Variants in RICTOR observed in about 807,000 individuals in gnomAD.
The protein encoded by RICTOR is rapamycin-insensitive companion of mTOR.
Under a neutral mutation model 214.9 loss-of-function variants are expected in RICTOR, and 49 were observed. That is an observed-to-expected ratio of 0.23 (90% confidence interval 0.18 to 0.29). RICTOR has a LOEUF of 0.29. Among genes scored for constraint, RICTOR ranks in the 10% least tolerant of loss-of-function variants. The pLI is 1.00. For missense variants in RICTOR, 1,625 were observed against 2,047.0 expected (o/e 0.79, Z 3.98); for synonymous variants, 717 against 711.3 (o/e 1.01, Z -0.13).
chr5:38,994,197 T>A (rs550795991), intron 6 of RICTOR, among the ~76,000 whole-genome samples: 42 of 150,930 alleles, frequency 2.8e-4, no homozygotes, highest in Admixed American at 8.6e-4. Context: ...CTCAAAAAAA[T>A]ATATATATAT....
chr5:39,043,891 T>C (rs1757325592), intron 2 of RICTOR, among the ~76,000 whole-genome samples: 2 of 152,324 alleles, frequency 1.3e-5, no homozygotes, highest in African/African-American at 4.8e-5. Flanking sequence ...GACTCTTCAA[T>C]GACAGCAAGA....
At chr5:38,960,302 G>T in intron 20 of RICTOR, 96 bp downstream of exon 20, 1 of 1,246,290 alleles carries the variant, frequency 8.0e-7, no homozygotes, top group Non-Finnish European at 1.1e-6. Flanking sequence ...TGCATATTCA[G>T]AAATAAAAGC....
At chr5:39,053,886 G>T (rs1379461723) in intron 2 of RICTOR, among the ~76,000 whole-genome samples, 1 of 105,226 alleles carries the variant, frequency 9.5e-6, no homozygotes, top group African/African-American at 4.1e-5. Context: ...GCGAGACTCC[G>T]TCTCAAAAAA....
At position 38,958,520 on chromosome 5, in the gene RICTOR, C is replaced by T; in HGVS notation, c.2344-1G>A. 1 of 1,605,592 alleles carries T rather than the reference C, an allele frequency of 6.2e-7. No individual in the cohort carries two copies. Among genetic ancestry groups the T allele is most frequent in the Non-Finnish European group, 8.5e-7 (1 of 1,175,560 alleles). ...TCTGAATGAGAGCATGAAGATTGGC[C>T]TAAAAGAGATTATCATTATTTTTTT... is the stretch of plus-strand genomic sequence containing the variant. On this transcript the variant is annotated splice_acceptor_variant, in intron 23 of 37. Transcript: ENST00000357387. LOFTEE classifies it high-confidence loss of function.
rs550297172 is a variant in RICTOR, at chr5:39,073,856, G to A, written c.97+255C>T. 7.8e-3 allele frequency among the ~76,000 whole-genome samples: 1,184 copies of A among 152,262 alleles called. 7 individuals carry two copies. Among genetic ancestry groups the A allele is most frequent in the Middle Eastern group, 0.014 (4 of 294 alleles). ...TCGCCGGGTCTGCCGAGTTCCACTC[G>A]GGGCTCCCCCGCACCCGCAGCAGCC... On this transcript the variant is annotated intron_variant, in intron 2 of 37. Coordinates refer to ENST00000357387, the MANE Select transcript of RICTOR (RefSeq NM_152756.5).
intron 2 of RICTOR, among the ~76,000 whole-genome samples, chr5:39,034,181 T>A (rs1015378653): frequency 5.9e-5 from 9 of 152,236 alleles, no homozygotes; most frequent in Admixed American, 4.6e-4. Context: ...GCCATGTCTT[T>A]AATTGGTTTA....
Position 38,963,124 on chromosome 5 carries a change from C to T in RICTOR, c.1401-83G>A, listed in dbSNP as rs115371958. 76 of 936,626 alleles carry T rather than the reference C, an allele frequency of 8.1e-5. No homozygotes were observed. In the African/African-American group the frequency reaches 8.8e-4, roughly 11 times the overall value. 58.0% of individuals were successfully genotyped at this position (936,626 alleles called of 1,614,324 possible). On this transcript the variant is annotated intron_variant, in intron 16 of 37. Coordinates refer to ENST00000357387, the MANE Select transcript of RICTOR (RefSeq NM_152756.5). ...TACCTTGGTAAATTATTAAAGCTTA[C>T]GTAAGATCAAGGCTAGAAATTATTA...
At chr5:39,069,025 TA>T (rs1294553726) in intron 2 of RICTOR, among the ~76,000 whole-genome samples, 1 of 152,172 alleles carries the variant, frequency 6.6e-6, no homozygotes, top group Non-Finnish European at 1.5e-5. Flanking sequence ...TAAGTGTAGC[TA>T]AAACAGCTGA....
chr5:39,020,496 T>C (rs1303379113), intron 3 of RICTOR, among the ~76,000 whole-genome samples: 2 of 152,226 alleles, frequency 1.3e-5, no homozygotes, highest in African/African-American at 4.8e-5. Context: ...AAGGCTCAGA[T>C]GACTGTATTT....
In RICTOR at chr5:38,940,069, C is replaced by A. The variant is rs79063860; in HGVS notation, c.*2235G>T. On this transcript the variant is annotated 3_prime_UTR_variant, in exon 38 of 38. Coordinates refer to ENST00000357387, the MANE Select transcript of RICTOR (RefSeq NM_152756.5). ...TAACCACAAAGCTCTGAGTATCTCC[C>A]CAAAGTAAGTGATATAGGCAGATAT... 0.019 allele frequency: 4,265 copies of A among 219,368 alleles called. 72 individuals are homozygous for A. The highest frequency in any genetic ancestry group is 0.027 in the Non-Finnish European group (3,027 of 111,662). 13.6% of individuals were successfully genotyped at this position (219,368 alleles called of 1,614,324 possible). A position where few individuals can be genotyped will look rare whatever the true frequency, so the allele number is the denominator to read the frequency against.
intron 2 of RICTOR, among the ~76,000 whole-genome samples, chr5:39,059,753 T>C (rs1561075612): frequency 6.6e-6 from 1 of 152,116 alleles, no homozygotes; most frequent in East Asian, 1.9e-4. Context: ...CCAGCTCACA[T>C]CAATCTCTCC....
chr5:38,975,454 G>A, intron 10 of RICTOR, 83 bp downstream of exon 10: 1 of 906,558 alleles, frequency 1.1e-6, no homozygotes, highest in Non-Finnish European at 1.8e-6. Flanking sequence ...ATCTGAATTA[G>A]GTGCTACAAT....
chr5:38,964,204 C>G (rs1398218075), intron 16 of RICTOR, among the ~76,000 whole-genome samples: 1 of 151,884 alleles, frequency 6.6e-6, no homozygotes, highest in Non-Finnish European at 1.5e-5. Flanking sequence ...TAAGTTCCTT[C>G]TAGCACTTCC....
rs114195850 is a variant in RICTOR at position 39,004,101 on chromosome 5, G to A, written c.196-479C>T. Among the ~76,000 whole-genome samples, 849 of 152,086 alleles carry A rather than the reference G, an allele frequency of 5.6e-3. 9 individuals are homozygous for A. The highest frequency in any genetic ancestry group is 0.019 in the African/African-American group (808 of 41,484). On this transcript the variant is annotated intron_variant, in intron 3 of 37. Coordinates refer to ENST00000357387, the MANE Select transcript of RICTOR (RefSeq NM_152756.5). ...TGTTAATGGGTTTTAACAGTATTTA[G>A]TCAATATCAGTTTATATTTATTCAC...
At chr5:39,030,857 G>A (rs1218209988) in intron 2 of RICTOR, among the ~76,000 whole-genome samples, 1 of 152,144 alleles carries the variant, frequency 6.6e-6, no homozygotes, top group Admixed American at 6.5e-5. Context: ...GTCTGGTCAT[G>A]TACCAATTCC....
At chr5:38,978,438 T>C (rs1751416680) in intron 9 of RICTOR, 145 bp downstream of exon 9, 1 of 402,738 alleles carries the variant, frequency 2.5e-6, no homozygotes, top group East Asian at 3.7e-5. Flanking sequence ...CAGTAAATTA[T>C]GAGAGAAATG....
Position 38,978,952 on chromosome 5 carries a change from C to T in RICTOR, c.754-302G>A, listed in dbSNP as rs550652968. Among the ~76,000 whole-genome samples the T allele has an allele frequency of 5.7e-4, 87 of 152,202 alleles. 2 individuals carry two copies. In the South Asian group the frequency reaches 0.016, roughly 28 times the overall value. The stretch of plus-strand genomic sequence containing the variant: ...TAGGCATCCTCAAAGCTCTATTATA[C>T]CTTTGTAGTCACAATCAGTATCTAT... On this transcript the variant is annotated intron_variant, in intron 8 of 37. Transcript: ENST00000357387.
At chr5:39,032,435 C>T (rs1756342429) in intron 2 of RICTOR, among the ~76,000 whole-genome samples, 1 of 152,076 alleles carries the variant, frequency 6.6e-6, no homozygotes, top group South Asian at 2.1e-4. Context: ...TTATAATGTT[C>T]CTAAAATGTT....
intron 5 of RICTOR, 101 bp from the exon 6 acceptor site, chr5:38,996,983 G>A: frequency 9.2e-6 from 7 of 762,154 alleles, no homozygotes; most frequent in South Asian, 3.0e-5. Context: ...ATGTCAATAT[G>A]GTATATTATT....
Sources: gnomAD v4.1 joint callset for allele counts (sites outside exome capture counted in the v4.1 genomes callset) on GRCh38, gnomAD v4.1.1 for gene constraint, MANE v1.5 for transcripts, NCBI Gene and HGNC (gene_info 2026-07-23, HGNC 2026-07-21) for gene names.